The following GAB2 variants were observed in gnomAD, a reference collection of about 807,000 sequenced individuals.
The protein encoded by GAB2 is GRB2-associated-binding protein 2.
GAB2 carries 26 observed loss-of-function variants against 65.5 expected under a neutral mutation model. The observed-to-expected ratio is 0.40, with a 90% CI of 0.29 to 0.55. The LOEUF is 0.55. Among genes scored for constraint, GAB2 ranks in the 20% least tolerant of loss-of-function variants. The pLI is 0.53. For missense variants in GAB2, 884 were observed against 875.8 expected, an observed-to-expected ratio of 1.01 and a Z score of -0.12; for synonymous variants, 321 against 329.6, an observed-to-expected ratio of 0.97 and a Z score of 0.28.
At chr11:78,408,586 C>G (rs1857085263) in intron 1 of GAB2, among the ~76,000 whole-genome samples, 1 of 152,122 alleles carries the variant, frequency 6.6e-6, no homozygotes, top group Admixed American at 6.5e-5. Flanking sequence ...CATAAATCAG[C>G]ACAGTGGATT....
rs373597932 is a variant in GAB2, at chr11:78,274,417, A to T, written c.376+6184T>A. On this transcript the variant is annotated intron_variant, in intron 2 of 9. Coordinates refer to ENST00000361507, the MANE Select transcript of GAB2 (RefSeq NM_080491.3). ...ACACTGGATTGATCAACTCCAGGGGATACCCCTACACAGAAAACAATGTGA... is the reference window on the plus strand; with the variant it reads ...ACACTGGATTGATCAACTCCAGGGGTTACCCCTACACAGAAAACAATGTGA... Among the ~76,000 whole-genome samples the T allele has an allele frequency of 3.3e-5, 5 of 152,326 alleles. No individual in the cohort carries two copies. In the East Asian group the frequency reaches 9.6e-4, roughly 29 times the overall value.
chr11:78,312,448 C>T (rs1277860944), intron 1 of GAB2, among the ~76,000 whole-genome samples: 7 of 152,144 alleles, frequency 4.6e-5, no homozygotes, highest in African/African-American at 7.2e-5. Flanking sequence ...TTTTTTGAGA[C>T]GGAGTCTCGC....
At chr11:78,342,952 G>A (rs1856122908) in intron 1 of GAB2, among the ~76,000 whole-genome samples, 1 of 152,136 alleles carries the variant, frequency 6.6e-6, no homozygotes, top group South Asian at 2.1e-4. Context: ...AAGAGGCCCA[G>A]AAAAGTTTAG....
intron 1 of GAB2, among the ~76,000 whole-genome samples, chr11:78,324,393 C>G (rs775628285): frequency 1.3e-5 from 2 of 152,004 alleles, no homozygotes; most frequent in Non-Finnish European, 2.9e-5. Flanking sequence ...CACAAATGTG[C>G]CTGGATAGAT....
intron 1 of GAB2, among the ~76,000 whole-genome samples, chr11:78,370,714 T>A: frequency 7.3e-6 from 1 of 136,290 alleles, no homozygotes; most frequent in East Asian, 2.0e-4. Flanking sequence ...TGTGTGTGCG[T>A]GTGTGTGTGT....
chr11:78,374,314 A>G (rs576302969), intron 1 of GAB2, among the ~76,000 whole-genome samples: 1 of 152,224 alleles, frequency 6.6e-6, no homozygotes, highest in Admixed American at 6.5e-5. Flanking sequence ...TCTACAATAC[A>G]AATAATCCGG....
In GAB2 at chr11:78,246,968, T is replaced by C. The variant is rs969966106; in HGVS notation, c.620+3189A>G. On this transcript the variant is annotated intron_variant, in intron 3 of 9. Transcript: ENST00000361507. ...GCCCAAGGTGATCCTAAGACTCACA[T>C]AGTTTCATTCCCAGAGTTAGAAGAT... 3.9e-5 allele frequency among the ~76,000 whole-genome samples: 6 copies of C among 152,332 alleles called. No individual in the cohort carries two copies. In the South Asian group the frequency reaches 1.0e-3, roughly 26 times the overall value.
chr11:78,221,896 C>A (rs1485028083), intron 7 of GAB2, 117 bp from the exon 8 acceptor site: 17 of 711,462 alleles, frequency 2.4e-5, no homozygotes, highest in Middle Eastern at 3.5e-4. Context: ...GAGCTGCACA[C>A]TCCATCAGAT....
chr11:78,341,128 C>G (rs1343354126), intron 1 of GAB2, among the ~76,000 whole-genome samples: 1 of 152,122 alleles, frequency 6.6e-6, no homozygotes, highest in African/African-American at 2.4e-5. Context: ...CTTACTTTAC[C>G]CTGTACCCCA....
At chr11:78,289,173 GT>G (rs1173722207) in intron 1 of GAB2, among the ~76,000 whole-genome samples, 1 of 152,216 alleles carries the variant, frequency 6.6e-6, no homozygotes, top group Non-Finnish European at 1.5e-5. Context: ...GCCAAGGTAG[GT>G]GGATCACTTG....
chr11:78,317,981 A>G (rs937607331), intron 1 of GAB2, among the ~76,000 whole-genome samples: 1 of 152,218 alleles, frequency 6.6e-6, no homozygotes, highest in Non-Finnish European at 1.5e-5. Flanking sequence ...GATATTCTGG[A>G]GCATTTATTA....
chr11:78,238,590 C>A (rs1478359306), intron 3 of GAB2, among the ~76,000 whole-genome samples: 1 of 132,668 alleles, frequency 7.5e-6, no homozygotes, highest in African/African-American at 2.9e-5. Context: ...CCCACAAGAA[C>A]AAAGTTCTTG....
At chr11:78,270,385 C>T (rs1006051385) in intron 2 of GAB2, among the ~76,000 whole-genome samples, 1 of 151,826 alleles carries the variant, frequency 6.6e-6, no homozygotes, top group East Asian at 1.9e-4. Flanking sequence ...AAACCTCTTG[C>T]TCCTCCTCTT....
At position 78,243,189 on chromosome 11, in the gene GAB2, T is replaced by G. The variant is rs536271789; in HGVS notation, c.620+6968A>C. Among the ~76,000 whole-genome samples the G allele has an allele frequency of 6.0e-5, 9 of 149,728 alleles. No individual in the cohort carries two copies. In the East Asian group the frequency reaches 1.8e-3, roughly 29 times the overall value. On this transcript the variant is annotated intron_variant, in intron 3 of 9. Transcript: ENST00000361507. The stretch of plus-strand genomic sequence containing the variant: ...GAAAAAAAAAAAGAAAAAAAAAGGC[T>G]GGGCATGGTGGCTCATGCCTGTAAT...
intron 2 of GAB2, among the ~76,000 whole-genome samples, chr11:78,273,901 G>A (rs377335384): frequency 1.2e-4 from 18 of 152,220 alleles, no homozygotes; most frequent in South Asian, 4.1e-4. Context: ...GCTCTCTCTC[G>A]GCCTGCTGCC....
At chr11:78,248,389 T>C (rs2510053) in intron 3 of GAB2, among the ~76,000 whole-genome samples, 45,322 of 152,100 alleles carry the variant, frequency 0.3, 8,810 homozygotes, top group African/African-American at 0.55. Context: ...AGACAATCTG[T>C]GCTGGTATCA....
At chr11:78,314,408 A>C (rs559245586) in intron 1 of GAB2, among the ~76,000 whole-genome samples, 1 of 152,322 alleles carries the variant, frequency 6.6e-6, no homozygotes, top group African/African-American at 2.4e-5. Flanking sequence ...TATTATCCTC[A>C]TTTTGTAGAT....
intron 1 of GAB2, among the ~76,000 whole-genome samples, chr11:78,333,203 T>C (rs575734085): frequency 6.6e-6 from 1 of 152,332 alleles, no homozygotes; most frequent in South Asian, 2.1e-4. Flanking sequence ...ATACACATAC[T>C]GATAAGTCCT....
intron 1 of GAB2, among the ~76,000 whole-genome samples, chr11:78,334,162 T>A (rs1281220402): frequency 6.6e-6 from 1 of 152,208 alleles, no homozygotes; most frequent in African/African-American, 2.4e-5. Context: ...ATACATGAGA[T>A]GTTTTGACAC....
Sources: gnomAD v4.1 joint callset for allele counts (sites outside exome capture counted in the v4.1 genomes callset) on GRCh38, gnomAD v4.1.1 for gene constraint, MANE v1.5 for transcripts, NCBI Gene and HGNC (gene_info 2026-07-23, HGNC 2026-07-21) for gene names.